UGGT2: variants seen among roughly 807,000 people sequenced by gnomAD.
UGGT2 encodes the protein UDP-glucose glycoprotein glucosyltransferase 2, also known as UDP-glucose:glycoprotein glucosyltransferase 2.
Under a neutral mutation model 192.1 loss-of-function variants are expected in UGGT2, and 180 were observed. That is an observed-to-expected ratio of 0.94 (90% CI 0.83 to 1.06). UGGT2 has a LOEUF of 1.06. Among genes scored for constraint, UGGT2 ranks in the 50% least tolerant of loss-of-function variants. UGGT2 has a pLI of 0.00. For synonymous variants in UGGT2, 580 were observed against 591.0 expected (o/e 0.98, Z 0.27); for missense variants, 1,849 against 1,795.7 (o/e 1.03, Z -0.54).
At chr13:95,860,747 A>G (rs533222265) in intron 32 of UGGT2, 41 bp downstream of exon 32, 10 of 1,292,342 alleles carry the variant, frequency 7.7e-6, no homozygotes, top group East Asian at 2.6e-5. Context: ...AACCATGTAA[A>G]TATTTCTTTT....
chr13:95,928,510 T>C (rs1325317886), intron 17 of UGGT2, among the ~76,000 whole-genome samples: 1 of 148,050 alleles, frequency 6.8e-6, no homozygotes, highest in African/African-American at 2.5e-5. Flanking sequence ...TCCTCACCTC[T>C]CAGACGGGGT....
intron 2 of UGGT2, among the ~76,000 whole-genome samples, chr13:96,024,329 A>G (rs893058099): frequency 2.0e-5 from 3 of 152,196 alleles, no homozygotes; most frequent in African/African-American, 7.2e-5. Flanking sequence ...CAAAGAACTC[A>G]AAGACATAAA....
chr13:95,906,418 C>G (rs1019463962), intron 20 of UGGT2, among the ~76,000 whole-genome samples: 1 of 151,930 alleles, frequency 6.6e-6, no homozygotes, highest in Middle Eastern at 3.2e-3. Context: ...AAAGATTATA[C>G]AATCTGGAGA....
chr13:95,811,640 A>G (rs1408710223), intron 38 of UGGT2, among the ~76,000 whole-genome samples: 1 of 152,224 alleles, frequency 6.6e-6, no homozygotes, highest in African/African-American at 2.4e-5. Context: ...AAAGCGGTAG[A>G]TAATTGTTTA....
chr13:95,846,298 G>A (rs562286285), intron 36 of UGGT2, among the ~76,000 whole-genome samples: 93 of 152,198 alleles, frequency 6.1e-4, no homozygotes, highest in Admixed American at 1.4e-3. Flanking sequence ...GGCAGCGCGC[G>A]CCTGCAATCC....
At chr13:96,012,845 G>A (rs543416038) in intron 5 of UGGT2, among the ~76,000 whole-genome samples, 1 of 152,078 alleles carries the variant, frequency 6.6e-6, no homozygotes, top group Non-Finnish European at 1.5e-5. Context: ...ACAGAAAAAT[G>A]TGATAGTGTC....
intron 38 of UGGT2, among the ~76,000 whole-genome samples, chr13:95,822,498 T>C (rs1885607890): frequency 1.3e-5 from 2 of 152,098 alleles, no homozygotes; most frequent in South Asian, 4.1e-4. Context: ...CAGCACTAGT[T>C]TGACTTCCTC....
chr13:95,985,103 C>CTTAG (rs2051247987), intron 9 of UGGT2: 2 of 327,290 alleles, frequency 6.1e-6, no homozygotes, highest in Non-Finnish European at 1.1e-5. Flanking sequence ...GTTATACTGA[C>CTTAG]TTAGCATCAA....
At chr13:95,877,625 TC>T in intron 28 of UGGT2, 72 bp downstream of exon 28, 1 of 1,495,384 alleles carries the variant, frequency 6.7e-7, no homozygotes, top group Non-Finnish European at 9.0e-7. Context: ...AAAGATTATT[TC>T]ATTTTACTCT....
At chr13:95,951,698 G>A (rs1385246516) in intron 12 of UGGT2, among the ~76,000 whole-genome samples, 1 of 152,172 alleles carries the variant, frequency 6.6e-6, no homozygotes, top group Non-Finnish European at 1.5e-5. Flanking sequence ...AATTTGACAT[G>A]GCCATGACAT....
chr13:95,981,530 C>A (rs1274245816), intron 10 of UGGT2, among the ~76,000 whole-genome samples: 1 of 151,996 alleles, frequency 6.6e-6, no homozygotes, highest in Non-Finnish European at 1.5e-5. Context: ...AGAGGAAAAT[C>A]CTTCAAATTT....
intron 27 of UGGT2, among the ~76,000 whole-genome samples, chr13:95,880,331 T>A (rs967866338): frequency 2.0e-5 from 3 of 152,196 alleles, no homozygotes; most frequent in African/African-American, 7.2e-5. Flanking sequence ...ATAACACATA[T>A]CTTGATCTGT....
chr13:95,871,488 C>A (rs1459505429), intron 29 of UGGT2, among the ~76,000 whole-genome samples: 1 of 151,462 alleles, frequency 6.6e-6, no homozygotes, highest in African/African-American at 2.5e-5. Flanking sequence ...AAGGTAGACA[C>A]TTTAAGGAGA....
intron 1 of UGGT2, among the ~76,000 whole-genome samples, chr13:96,045,837 C>T (rs148442005): frequency 5.9e-5 from 9 of 152,110 alleles, no homozygotes; most frequent in African/African-American, 1.4e-4. Context: ...AAATCATAGA[C>T]GACACAAACA....
rs560342244 is a variant in UGGT2, at chr13:96,033,941, G to A, written c.159-1970C>T. On this transcript the variant is annotated intron_variant, in intron 1 of 38. Transcript: ENST00000376747. The stretch of plus-strand genomic sequence containing the variant: ...GATGGGCAAAAAGGGATGGGTCCCC[G>A]GTGAAGCCCCACCTTCAAGCTAAGG... Among the ~76,000 whole-genome samples, 11 of 152,318 alleles carry A rather than the reference G, an allele frequency of 7.2e-5. No individual in the cohort carries two copies. In the East Asian group the frequency reaches 1.5e-3, roughly 21 times the overall value.
At chr13:95,828,253 G>T (rs949327498) in intron 38 of UGGT2, among the ~76,000 whole-genome samples, 4 of 151,966 alleles carry the variant, frequency 2.6e-5, no homozygotes, top group African/African-American at 9.7e-5. Context: ...ACATCACAAT[G>T]AAAAGAACAA....
chr13:95,996,410 G>A (rs1157343220), intron 6 of UGGT2, among the ~76,000 whole-genome samples: 1 of 151,898 alleles, frequency 6.6e-6, no homozygotes, highest in Non-Finnish European at 1.5e-5. Context: ...GCAGGAGAGT[G>A]GCTTGAGCCT....
chr13:95,884,783 A>T, intron 26 of UGGT2, 103 bp from the exon 27 acceptor site: 1 of 1,165,162 alleles, frequency 8.6e-7, no homozygotes, highest in Non-Finnish European at 1.2e-6. Context: ...CCAGAAGTCT[A>T]CAATCAAAAA....
chr13:95,846,918 A>T (rs141943076), intron 36 of UGGT2, among the ~76,000 whole-genome samples: 1 of 151,510 alleles, frequency 6.6e-6, no homozygotes, highest in East Asian at 1.9e-4. Context: ...TCACATTTCT[A>T]TATTGGTAAT....
Sources: allele counts gnomAD v4.1 joint callset (sites outside exome capture counted in the v4.1 genomes callset), GRCh38; gene constraint gnomAD v4.1.1; transcripts MANE v1.5; gene names NCBI Gene and HGNC (gene_info 2026-07-23, HGNC 2026-07-21).